Variants in DCC observed in about 807,000 individuals in gnomAD.
The protein encoded by DCC is DCC netrin 1 receptor.
Under a neutral mutation model 172.5 loss-of-function variants are expected in DCC, and 58 were observed. The observed-to-expected ratio is 0.34, with a 90% CI of 0.27 to 0.42. DCC has a LOEUF of 0.42. Among genes scored for constraint, DCC ranks in the 10% least tolerant of loss-of-function variants. The pLI is 1.00. For synonymous variants in DCC, 709 were observed against 644.5 expected, an observed-to-expected ratio of 1.10 and a Z score of -1.52; for missense variants, 1,740 against 1,791.0, an observed-to-expected ratio of 0.97 and a Z score of 0.51.
intron 1 of DCC, among the ~76,000 whole-genome samples, chr18:52,502,495 C>A (rs2144629714): frequency 6.6e-6 from 1 of 152,172 alleles, no homozygotes; most frequent in Admixed American, 6.6e-5. Context: ...GATATCCTTG[C>A]CTGTTGGGTG....
At position 52,764,673 on chromosome 18, in the gene DCC, T is replaced by C. The variant is rs547324940; in HGVS notation, c.412+12299T>C. Among the ~76,000 whole-genome samples the C allele has an allele frequency of 8.1e-4, 123 of 152,376 alleles. 1 individual carries two copies. Among genetic ancestry groups the C allele is most frequent in the African/African-American group, 2.9e-3 (122 of 41,596 alleles). ...TTATCAGAAGTAGATGTTGGCACCA[T>C]GTTTCTTGCACAGCTTTCAAAACCG... On this transcript the variant is annotated intron_variant, in intron 2 of 28. Coordinates refer to ENST00000442544, the MANE Select transcript of DCC (RefSeq NM_005215.4).
At chr18:53,238,495 T>C (rs752126942) in intron 12 of DCC, among the ~76,000 whole-genome samples, 7 of 152,162 alleles carry the variant, frequency 4.6e-5, no homozygotes, top group Non-Finnish European at 1.0e-4. Context: ...ATCAGAGATA[T>C]TGATATTTGT....
At chr18:52,817,803 A>ATGTGTGTG (rs1555668566) in intron 2 of DCC, among the ~76,000 whole-genome samples, 368 of 151,534 alleles carry the variant, frequency 2.4e-3, no homozygotes, top group African/African-American at 8.0e-3. Context: ...ATATATATAT[A>ATGTGTGTG]TGTGTGTGTG....
At chr18:53,366,143 G>A (rs539262884) in intron 15 of DCC, among the ~76,000 whole-genome samples, 33 of 151,772 alleles carry the variant, frequency 2.2e-4, no homozygotes, top group Non-Finnish European at 4.1e-4. Flanking sequence ...TGCAATCTCC[G>A]CCTCCTGGGT....
chr18:52,846,906 C>G (rs1464402468), intron 2 of DCC, among the ~76,000 whole-genome samples: 2 of 152,038 alleles, frequency 1.3e-5, no homozygotes, highest in Non-Finnish European at 2.9e-5. Context: ...GGAGCTGGGG[C>G]TGTCAGTGCA....
At chr18:52,505,210 A>C (rs2031186428) in intron 1 of DCC, among the ~76,000 whole-genome samples, 1 of 137,314 alleles carries the variant, frequency 7.3e-6, no homozygotes, top group African/African-American at 2.7e-5. Context: ...GGATTTCAGC[A>C]GCATTTTATT....
intron 1 of DCC, among the ~76,000 whole-genome samples, chr18:52,507,864 G>A (rs901703580): frequency 1.4e-4 from 22 of 152,202 alleles, no homozygotes; most frequent in African/African-American, 4.8e-4. Context: ...TCTTTGGGAG[G>A]CCGAGGCAGG....
At chr18:52,648,817 TA>T (rs1392951509) in intron 1 of DCC, among the ~76,000 whole-genome samples, 1 of 152,130 alleles carries the variant, frequency 6.6e-6, no homozygotes, top group African/African-American at 2.4e-5. Flanking sequence ...AAGACCACAA[TA>T]AAAGAAACAC....
intron 1 of DCC, among the ~76,000 whole-genome samples, chr18:52,584,550 A>G (rs1375080595): frequency 6.6e-6 from 1 of 151,958 alleles, no homozygotes; most frequent in African/African-American, 2.4e-5. Flanking sequence ...TAACGCACAG[A>G]TATACCTCTG....
intron 1 of DCC, among the ~76,000 whole-genome samples, chr18:52,476,976 C>T (rs549373854): frequency 2.6e-5 from 4 of 152,218 alleles, no homozygotes; most frequent in Non-Finnish European, 5.9e-5. Context: ...CAATTATATA[C>T]AAGGCAGCCC....
At chr18:52,958,818 T>A (rs2040791977) in intron 5 of DCC, among the ~76,000 whole-genome samples, 1 of 152,076 alleles carries the variant, frequency 6.6e-6, no homozygotes, top group South Asian at 2.1e-4. Flanking sequence ...ATACTCTGCT[T>A]GAAGTGGCTC....
chr18:53,310,560 A>G (rs932046876), intron 13 of DCC, among the ~76,000 whole-genome samples: 5 of 152,112 alleles, frequency 3.3e-5, no homozygotes, highest in African/African-American at 1.2e-4. Context: ...AATCACTGCT[A>G]TCAGGTTTAT....
intron 1 of DCC, among the ~76,000 whole-genome samples, chr18:52,723,851 T>C (rs8089980): frequency 0.44 from 66,228 of 151,976 alleles, 15,497 homozygotes; most frequent in East Asian, 0.76. Flanking sequence ...AAGGCGAGCC[T>C]AAGCTGACCC....
intron 12 of DCC, among the ~76,000 whole-genome samples, chr18:53,266,882 A>G (rs1341263955): frequency 6.6e-6 from 1 of 151,998 alleles, no homozygotes; most frequent in East Asian, 1.9e-4. Flanking sequence ...GCTGCATAAT[A>G]TTCTATTGTA....
rs139655386 is a variant in DCC, at chr18:52,902,785, A to G, written c.413-3259A>G. Among the ~76,000 whole-genome samples the G allele has an allele frequency of 4.4e-3, 665 of 152,312 alleles. 8 individuals carry two copies. Among genetic ancestry groups the G allele is most frequent in the African/African-American group, 0.014 (598 of 41,566 alleles). ...TCAGTCAAGCCTTATAGAGCCTTATAAACTTAGAATTGCTTTTGAATGTGT... is the reference window on the plus strand; with the variant it reads ...TCAGTCAAGCCTTATAGAGCCTTATGAACTTAGAATTGCTTTTGAATGTGT... On this transcript the variant is annotated intron_variant, in intron 2 of 28. Transcript: ENST00000442544.
At chr18:53,494,823 T>C (rs1398367626) in intron 26 of DCC, among the ~76,000 whole-genome samples, 1 of 152,150 alleles carries the variant, frequency 6.6e-6, no homozygotes, top group Non-Finnish European at 1.5e-5. Flanking sequence ...TATTGTTATG[T>C]GTGTATTTAA....
intron 2 of DCC, among the ~76,000 whole-genome samples, chr18:52,824,602 G>A (rs1598841271): frequency 1.3e-5 from 2 of 152,034 alleles, no homozygotes; most frequent in South Asian, 4.2e-4. Flanking sequence ...AAAACTAGAA[G>A]GTTAGTCTTT....
At chr18:53,036,498 T>A (rs1417562941) in intron 5 of DCC, among the ~76,000 whole-genome samples, 2 of 152,070 alleles carry the variant, frequency 1.3e-5, no homozygotes, top group Non-Finnish European at 2.9e-5. Context: ...TTTTGCAACT[T>A]TCTATCTGAT....
rs563813982 is a variant in DCC, at chr18:53,114,479, T to C, written c.1262-42877T>C. 2.0e-5 allele frequency among the ~76,000 whole-genome samples: 3 copies of C among 151,684 alleles called. No individual in the cohort carries two copies. In the East Asian group the frequency reaches 5.9e-4, roughly 30 times the overall value. ...AAGCAAACTCAAAAAGTGTTTTTCT[T>C]TCATGTTAGCTTCAGCATATTTTAA... is the stretch of plus-strand genomic sequence containing the variant. On this transcript the variant is annotated intron_variant, in intron 7 of 28. Transcript: ENST00000442544.
Sources: allele counts gnomAD v4.1 joint callset (sites outside exome capture counted in the v4.1 genomes callset), GRCh38; gene constraint gnomAD v4.1.1; transcripts MANE v1.5; gene names NCBI Gene and HGNC (gene_info 2026-07-23, HGNC 2026-07-21).